CSTPP1: variants seen among roughly 807,000 people sequenced by gnomAD.
CSTPP1 encodes the protein centriolar satellite-associated tubulin polyglutamylase complex regulator 1, also known as UPF0705 protein C11orf49.
At chr11:47,159,939 G>A in the CSTPP1 span, 2 of 335,404 alleles carry the variant, frequency 6.0e-6, no homozygotes, top group African/African-American at 2.2e-5. Context: ...GGGAGGCGGA[G>A]GTTGCAGTGA....
At chr11:47,036,218 TATAATATATATA>T in the CSTPP1 span, among the ~76,000 whole-genome samples, 1 of 50,010 alleles carries the variant, frequency 2.0e-5, no homozygotes, top group East Asian at 3.2e-4. Context: ...TATATTAATA[TATAATATATATA>T]ATATATTATA....
At chr11:46,971,877 G>A in the CSTPP1 span, among the ~76,000 whole-genome samples, 1 of 152,178 alleles carries the variant, frequency 6.6e-6, no homozygotes, top group Non-Finnish European at 1.5e-5. Flanking sequence ...GAGCCTGGGA[G>A]GTTGAGGCTG....
the CSTPP1 span, among the ~76,000 whole-genome samples, chr11:47,119,967 T>G: frequency 6.6e-6 from 1 of 152,132 alleles, no homozygotes. Flanking sequence ...GTAACTAACT[T>G]GCCCCAGATC....
At chr11:47,038,620 C>G in the CSTPP1 span, among the ~76,000 whole-genome samples, 1 of 112,848 alleles carries the variant, frequency 8.9e-6, no homozygotes, top group Non-Finnish European at 2.1e-5. Flanking sequence ...GGAGGCTGGC[C>G]GGGCGGGGGT....
the CSTPP1 span, among the ~76,000 whole-genome samples, chr11:47,049,108 C>T: frequency 3.9e-5 from 6 of 152,042 alleles, no homozygotes; most frequent in Admixed American, 6.5e-5. Context: ...ACCTCAGCCT[C>T]TCAAGTAGCT....
At chr11:47,036,662 ATTTGT>A in the CSTPP1 span, among the ~76,000 whole-genome samples, 1,111 of 124,984 alleles carry the variant, frequency 8.9e-3, 164 homozygotes, top group Middle Eastern at 0.03. Context: ...GAGCTCATAG[ATTTGT>A]TTTGTTTTGT....
chr11:47,023,487 G>A, the CSTPP1 span: 1 of 152,216 alleles, frequency 6.6e-6, no homozygotes, highest in African/African-American at 2.4e-5. Flanking sequence ...TAAGTGTACA[G>A]TTCTGTGGCA....
the CSTPP1 span, among the ~76,000 whole-genome samples, chr11:46,940,736 T>G: frequency 6.6e-6 from 1 of 152,268 alleles, no homozygotes; most frequent in East Asian, 1.9e-4. Context: ...AAAGGGGATA[T>G]CACAGACAAT....
the CSTPP1 span, among the ~76,000 whole-genome samples, chr11:47,111,005 T>A: frequency 6.6e-6 from 1 of 150,810 alleles, no homozygotes; most frequent in African/African-American, 2.4e-5. Flanking sequence ...TTCTCCTGCC[T>A]CAGCCTCCCG....
the CSTPP1 span, among the ~76,000 whole-genome samples, chr11:47,163,530 C>T: frequency 2.4e-3 from 360 of 152,274 alleles, no homozygotes; most frequent in African/African-American, 8.3e-3. Flanking sequence ...TCAGAAGCCC[C>T]CAAGAGAAAG....
At chr11:46,951,030 G>A in the CSTPP1 span, among the ~76,000 whole-genome samples, 8 of 152,132 alleles carry the variant, frequency 5.3e-5, no homozygotes, top group Non-Finnish European at 1.2e-4. Flanking sequence ...CTCACAGCAG[G>A]TAGACACCAG....
At chr11:47,161,001 A>T in the CSTPP1 span, 1 of 1,247,416 alleles carries the variant, frequency 8.0e-7, no homozygotes, top group Non-Finnish European at 1.1e-6. Context: ...AGCAGTCCTC[A>T]GATCTTTAGA....
At chr11:47,145,414 A>AC in the CSTPP1 span, among the ~76,000 whole-genome samples, 1 of 149,926 alleles carries the variant, frequency 6.7e-6, no homozygotes, top group African/African-American at 2.4e-5. Flanking sequence ...ACATGGTGAA[A>AC]CCCCGTCTCT....
chr11:47,122,091 A>AAAAAAAAAAAAATAT, the CSTPP1 span, among the ~76,000 whole-genome samples: 12 of 31,838 alleles, frequency 3.8e-4, no homozygotes, highest in East Asian at 1.4e-3. Context: ...AAAAAAAAAA[A>AAAAAAAAAAAAATAT]ATATATATAT....
At chr11:46,985,169 A>G in the CSTPP1 span, among the ~76,000 whole-genome samples, 2 of 152,042 alleles carry the variant, frequency 1.3e-5, no homozygotes, top group Non-Finnish European at 2.9e-5. Flanking sequence ...AGATAGAATG[A>G]GTCACAGAAT....
the CSTPP1 span, among the ~76,000 whole-genome samples, chr11:47,009,734 T>C: frequency 1.3e-5 from 2 of 151,672 alleles, no homozygotes; most frequent in Non-Finnish European, 2.9e-5. Flanking sequence ...GAGGCAGAGG[T>C]TGCAGGGAGG....
the CSTPP1 span, chr11:47,160,419 C>T: frequency 6.6e-6 from 1 of 152,198 alleles, no homozygotes; most frequent in East Asian, 1.9e-4. Context: ...TCACCTGCAT[C>T]TCCAGCGTAT....
chr11:46,963,496 G>A, the CSTPP1 span, among the ~76,000 whole-genome samples: 1 of 151,972 alleles, frequency 6.6e-6, no homozygotes, highest in Non-Finnish European at 1.5e-5. Context: ...ACATTTAACT[G>A]CAAGATACAA....
the CSTPP1 span, chr11:46,936,799 T>C: frequency 6.2e-7 from 1 of 1,610,340 alleles, no homozygotes; most frequent in Non-Finnish European, 8.5e-7. Context: ...GCCACCCCGG[T>C]CAAAGGATGC....
Sources: allele counts gnomAD v4.1 joint callset (sites outside exome capture counted in the v4.1 genomes callset), GRCh38; gene constraint gnomAD v4.1.1; transcripts MANE v1.5; gene names NCBI Gene and HGNC (gene_info 2026-07-23, HGNC 2026-07-21).